The following AMPH variants were observed in gnomAD, a reference collection of about 807,000 sequenced individuals.
AMPH encodes amphiphysin (Stiff-Mann syndrome with breast cancer 128kD autoantigen).
A neutral mutation model predicts 99.1 loss-of-function variants in AMPH; 49 were observed. That is an observed-to-expected ratio of 0.49 (90% CI 0.39 to 0.63). The LOEUF (loss-of-function observed/expected upper bound fraction) is 0.63. Ranked by LOEUF, AMPH falls within the 20% of genes least tolerant of loss-of-function variation. The pLI, the probability that AMPH is intolerant of heterozygous loss-of-function variation, is 0.00. For missense variants in AMPH, 759 were observed against 863.4 expected, an observed-to-expected ratio of 0.88 and a Z score of 1.52; for synonymous variants, 314 against 317.3, an observed-to-expected ratio of 0.99 and a Z score of 0.11.
At chr7:38,511,820 T>A (rs892691900) in intron 2 of AMPH, among the ~76,000 whole-genome samples, 3 of 152,208 alleles carry the variant, frequency 2.0e-5, no homozygotes, top group Non-Finnish European at 2.9e-5. Context: ...TAAAGCCCCT[T>A]GGAAGATTCT....
At chr7:38,601,444 A>G (rs1238621751) in intron 1 of AMPH, among the ~76,000 whole-genome samples, 1 of 152,146 alleles carries the variant, frequency 6.6e-6, no homozygotes, top group Non-Finnish European at 1.5e-5. Context: ...TCCAAGTTCC[A>G]TTTTGTGAAG....
At chr7:38,572,911 G>A (rs776461312) in intron 1 of AMPH, among the ~76,000 whole-genome samples, 21 of 152,140 alleles carry the variant, frequency 1.4e-4, no homozygotes, top group Non-Finnish European at 1.9e-4. Context: ...GCCCAGGACC[G>A]TGGCCTCCAA....
chr7:38,386,429 C>A (rs1216882064), intron 20 of AMPH, among the ~76,000 whole-genome samples: 1 of 152,128 alleles, frequency 6.6e-6, no homozygotes, highest in Admixed American at 6.5e-5. Flanking sequence ...ACTACACAAA[C>A]CCACAATCAA....
At chr7:38,388,594 T>C (rs965481182) in intron 20 of AMPH, among the ~76,000 whole-genome samples, 1 of 152,130 alleles carries the variant, frequency 6.6e-6, no homozygotes, top group Non-Finnish European at 1.5e-5. Context: ...GAAGTGTATT[T>C]TAAAATTTTT....
At chr7:38,452,862 C>T (rs1007856154) in intron 11 of AMPH, among the ~76,000 whole-genome samples, 2 of 152,160 alleles carry the variant, frequency 1.3e-5, no homozygotes, top group Admixed American at 6.5e-5. Flanking sequence ...GCTGAAGTAA[C>T]ATAAAATGGC....
intron 1 of AMPH, among the ~76,000 whole-genome samples, chr7:38,592,409 T>C (rs969173985): frequency 2.0e-5 from 3 of 152,116 alleles, no homozygotes; most frequent in Admixed American, 6.6e-5. Context: ...GAAAAAGAAA[T>C]GACCTTGGGT....
intron 18 of AMPH, 95 bp downstream of exon 18, chr7:38,393,910 T>C (rs963103979): frequency 8.5e-7 from 1 of 1,180,976 alleles, no homozygotes; most frequent in African/African-American, 1.5e-5. Flanking sequence ...AAACCTATTA[T>C]ACATCCAAAG....
At chr7:38,538,360 G>C (rs1370792431) in intron 1 of AMPH, among the ~76,000 whole-genome samples, 2 of 152,164 alleles carry the variant, frequency 1.3e-5, no homozygotes, top group Admixed American at 6.5e-5. Context: ...CTGGGCTAAG[G>C]GGCTGCAGGA....
chr7:38,451,847 T>C (rs1296076572), intron 11 of AMPH, among the ~76,000 whole-genome samples: 1 of 152,102 alleles, frequency 6.6e-6, no homozygotes, highest in Non-Finnish European at 1.5e-5. Context: ...ATTTCTAAGT[T>C]CTTAGGATGG....
chr7:38,466,148 T>C (rs763330910), intron 8 of AMPH, 25 bp downstream of exon 8: 2 of 1,579,406 alleles, frequency 1.3e-6, no homozygotes, highest in East Asian at 2.3e-5. Context: ...ATATTCCATA[T>C]GCAAAAATTA....
intron 14 of AMPH, chr7:38,429,471 A>C (rs762456809): frequency 7.6e-7 from 1 of 1,310,242 alleles, no homozygotes; most frequent in South Asian, 1.2e-5. Flanking sequence ...GCCCCAAGTA[A>C]ATGCACCTAT....
chr7:38,438,245 A>T (rs1786368174), intron 11 of AMPH, among the ~76,000 whole-genome samples: 1 of 152,190 alleles, frequency 6.6e-6, no homozygotes, highest in Admixed American at 6.5e-5. Flanking sequence ...CCTTTAAAGC[A>T]TTTATCTTGC....
chr7:38,486,233 T>A (rs1584154250), intron 5 of AMPH, among the ~76,000 whole-genome samples: 1 of 141,204 alleles, frequency 7.1e-6, no homozygotes. Context: ...CTCACATAAA[T>A]AAAATCAGAA....
At chr7:38,461,183 T>C (rs1787426239) in intron 11 of AMPH, 100 bp downstream of exon 11, 3 of 1,361,632 alleles carry the variant, frequency 2.2e-6, no homozygotes, top group Middle Eastern at 2.6e-4. Flanking sequence ...TAAAATTATG[T>C]TGTTGGTTCT....
At chr7:38,470,840 A>G (rs1286616064) in intron 7 of AMPH, among the ~76,000 whole-genome samples, 2 of 152,180 alleles carry the variant, frequency 1.3e-5, no homozygotes, top group South Asian at 2.1e-4. Context: ...CATATTGTCT[A>G]TCTGTTTGAG....
chr7:38,592,205 T>C (rs1330554536), intron 1 of AMPH, among the ~76,000 whole-genome samples: 3 of 152,226 alleles, frequency 2.0e-5, no homozygotes, highest in African/African-American at 7.2e-5. Flanking sequence ...TTAAGCGGTT[T>C]TCCACCCTGG....
chr7:38,498,376 T>G (rs1313035574), intron 3 of AMPH, among the ~76,000 whole-genome samples: 1 of 152,210 alleles, frequency 6.6e-6, no homozygotes, highest in Non-Finnish European at 1.5e-5. Flanking sequence ...AAAATATTTT[T>G]GGAGGCAACA....
At chr7:38,606,255 TA>T (rs1584297322) in intron 1 of AMPH, among the ~76,000 whole-genome samples, 1 of 152,328 alleles carries the variant, frequency 6.6e-6, no homozygotes, top group East Asian at 1.9e-4. Context: ...TAACCCTTTT[TA>T]AATGTGTAAC....
intron 2 of AMPH, among the ~76,000 whole-genome samples, chr7:38,504,742 A>G (rs1789263040): frequency 1.3e-5 from 2 of 152,230 alleles, no homozygotes; most frequent in Admixed American, 1.3e-4. Flanking sequence ...AAACCAGAGA[A>G]GCCCTCAGGC....
Sources: gnomAD v4.1 joint callset for allele counts (sites outside exome capture counted in the v4.1 genomes callset) on GRCh38, gnomAD v4.1.1 for gene constraint, MANE v1.5 for transcripts, NCBI Gene and HGNC (gene_info 2026-07-23, HGNC 2026-07-21) for gene names.